PSD3: variants seen among roughly 807,000 people sequenced by gnomAD.
PSD3 encodes pleckstrin and Sec7 domain containing 3.
A neutral mutation model predicts 105.5 loss-of-function variants in PSD3; 49 were observed. The ratio of observed to expected loss-of-function variants is 0.46; its 90% confidence interval spans 0.37 to 0.59. PSD3 has a LOEUF of 0.59. Among genes scored for constraint, PSD3 ranks in the 20% least tolerant of loss-of-function variants. The pLI is 0.00. For synonymous variants in PSD3, 557 were observed against 457.8 expected, an observed-to-expected ratio of 1.22 and a Z score of -2.77; for missense variants, 1,561 against 1,263.8, an observed-to-expected ratio of 1.24 and a Z score of -3.57.
At chr8:18,836,191 T>A (rs13268021) in intron 4 of PSD3, among the ~76,000 whole-genome samples, 43,442 of 152,086 alleles carry the variant, frequency 0.29, 6,472 homozygotes, top group Middle Eastern at 0.3. Flanking sequence ...GCTTTCAAAG[T>A]AACCGTAACC....
chr8:19,004,870 T>A (rs1434766823), intron 1 of PSD3, among the ~76,000 whole-genome samples: 1 of 152,054 alleles, frequency 6.6e-6, no homozygotes, highest in Non-Finnish European at 1.5e-5. Context: ...GCTGTCTCTT[T>A]GCCTGCTGCC....
At chr8:18,776,325 A>G (rs888645881) in intron 8 of PSD3, among the ~76,000 whole-genome samples, 1 of 147,292 alleles carries the variant, frequency 6.8e-6, no homozygotes, top group Non-Finnish European at 1.5e-5. Flanking sequence ...AATATATATA[A>G]ACTATATAAA....
intron 1 of PSD3, among the ~76,000 whole-genome samples, chr8:18,968,480 G>C (rs2129471767): frequency 1.3e-5 from 2 of 152,342 alleles, no homozygotes; most frequent in East Asian, 3.9e-4. Flanking sequence ...TTCGACGCCA[G>C]TTTTCACATC....
intron 11 of PSD3, among the ~76,000 whole-genome samples, chr8:18,606,823 C>A (rs1013858165): frequency 2.6e-5 from 4 of 152,300 alleles, no homozygotes; most frequent in Middle Eastern, 3.4e-3. Context: ...CACTGCAGCA[C>A]TCTGAGTGTT....
chr8:18,673,074 T>G (rs1799873700), intron 9 of PSD3, among the ~76,000 whole-genome samples: 1 of 152,230 alleles, frequency 6.6e-6, no homozygotes, highest in Admixed American at 6.5e-5. Context: ...CCTCTGATTC[T>G]TGCTGCTCAA....
intron 2 of PSD3, among the ~76,000 whole-genome samples, chr8:18,893,594 T>A (rs1818951435): frequency 6.6e-6 from 1 of 150,902 alleles, no homozygotes; most frequent in Admixed American, 6.7e-5. Flanking sequence ...TCTGTAGGGA[T>A]GAATGAGGGT....
chr8:18,823,772 AAACACACT>A (rs1347760665), intron 4 of PSD3, among the ~76,000 whole-genome samples: 8 of 79,520 alleles, frequency 1.0e-4, no homozygotes, highest in Non-Finnish European at 2.7e-5. Context: ...GCTTTATCTT[AAACACACT>A]CACACACACA....
At chr8:18,743,776 A>T (rs974678629) in intron 9 of PSD3, among the ~76,000 whole-genome samples, 1 of 150 alleles carries the variant, frequency 6.7e-3, no homozygotes, top group Non-Finnish European at 0.016. Flanking sequence ...GTCTCTATTA[A>T]AAAAAAAAAA....
intron 10 of PSD3, among the ~76,000 whole-genome samples, chr8:18,647,319 C>T (rs530432319): frequency 6.6e-6 from 1 of 152,272 alleles, no homozygotes; most frequent in South Asian, 2.1e-4. Flanking sequence ...TGTGCTACCA[C>T]CTCACCTAAT....
chr8:18,573,832 G>C (rs367635454), intron 13 of PSD3, among the ~76,000 whole-genome samples: 14 of 152,234 alleles, frequency 9.2e-5, no homozygotes, highest in African/African-American at 3.1e-4. Context: ...GATCTCTTTG[G>C]AGTGATGGAA....
chr8:18,672,591 C>T (rs1048638566), intron 9 of PSD3, among the ~76,000 whole-genome samples: 25 of 152,170 alleles, frequency 1.6e-4, no homozygotes, highest in Admixed American at 6.5e-4. Context: ...GCCAGTTTTT[C>T]GTTTAGCTAA....
At chr8:18,834,898 A>G (rs6985485) in intron 4 of PSD3, among the ~76,000 whole-genome samples, 2,325 of 152,326 alleles carry the variant, frequency 0.015, 57 homozygotes, top group African/African-American at 0.053. Context: ...CACTGCAACC[A>G]GAGTCTAGAC....
chr8:18,863,342 T>A (rs1193805803), intron 4 of PSD3, among the ~76,000 whole-genome samples: 1 of 152,076 alleles, frequency 6.6e-6, no homozygotes, highest in African/African-American at 2.4e-5. Context: ...TAATTGTAAG[T>A]CTCTAATTAT....
At chr8:18,918,134 A>G (rs1469142219) in intron 2 of PSD3, among the ~76,000 whole-genome samples, 6 of 152,204 alleles carry the variant, frequency 3.9e-5, no homozygotes, top group Non-Finnish European at 7.3e-5. Flanking sequence ...GGCACGTAAG[A>G]CCATTCATAA....
chr8:18,653,671 C>A (rs1451806195), intron 10 of PSD3, among the ~76,000 whole-genome samples: 1 of 152,036 alleles, frequency 6.6e-6, no homozygotes, highest in Non-Finnish European at 1.5e-5. Flanking sequence ...GGGTAAACTC[C>A]CGCCCCTCCA....
intron 1 of PSD3, among the ~76,000 whole-genome samples, chr8:19,028,206 A>G (rs1196171488): frequency 1.3e-5 from 2 of 149,340 alleles, no homozygotes; most frequent in African/African-American, 5.0e-5. Flanking sequence ...CCATCCTTTC[A>G]TGTACTTATT....
intron 4 of PSD3, chr8:18,808,803 C>G: frequency 6.2e-7 from 1 of 1,613,868 alleles, no homozygotes; most frequent in Non-Finnish European, 8.5e-7. Context: ...CCCTGGGGTG[C>G]GCCTGGACCA....
At chr8:18,968,517 T>A (rs531072268) in intron 1 of PSD3, among the ~76,000 whole-genome samples, 18 of 152,252 alleles carry the variant, frequency 1.2e-4, no homozygotes, top group East Asian at 7.7e-4. Context: ...TTTATAGACA[T>A]CTCAAGACTA....
At chr8:18,964,788 T>G (rs1310843624) in intron 1 of PSD3, among the ~76,000 whole-genome samples, 2 of 152,206 alleles carry the variant, frequency 1.3e-5, no homozygotes, top group African/African-American at 2.4e-5. Flanking sequence ...CTTTTACTTA[T>G]TTTGAAACTC....
Sources: allele counts gnomAD v4.1 joint callset (sites outside exome capture counted in the v4.1 genomes callset), GRCh38; gene constraint gnomAD v4.1.1; transcripts MANE v1.5; gene names NCBI Gene and HGNC (gene_info 2026-07-23, HGNC 2026-07-21).